The following CEP162 variants were observed in gnomAD, a reference collection of about 807,000 sequenced individuals.
CEP162 encodes the protein centrosomal protein 162, also known as centrosomal protein of 162 kDa.
Under a neutral mutation model 169.2 loss-of-function variants are expected in CEP162, and 141 were observed. The ratio of observed to expected loss-of-function variants is 0.83; its 90% CI spans 0.73 to 0.96. The LOEUF (loss-of-function observed/expected upper bound fraction) is 0.96, where lower values mean the gene tolerates loss of function less well. Ranked by LOEUF, CEP162 falls within the 40% of genes least tolerant of loss-of-function variation. The pLI, the probability that CEP162 is intolerant of heterozygous loss-of-function variation, is 0.00. For synonymous variants in CEP162, 540 were observed against 526.4 expected, an observed-to-expected ratio of 1.03 and a Z score of -0.35; for missense variants, 1,600 against 1,587.2, an observed-to-expected ratio of 1.01 and a Z score of -0.14.
rs940992245 is a variant in CEP162 at position 84,133,909 on chromosome 6, G to C, written c.3871-7397C>G. Among the ~76,000 whole-genome samples the C allele has an allele frequency of 2.0e-5, 3 of 152,280 alleles. No individual in the cohort carries two copies. The East Asian group carries it at 5.8e-4, about 30-fold the overall frequency. ...GTGAGATGAACCTGGTACCTCAGTT[G>C]GAAGTTCAGAAATCACCCATCTTAT... On this transcript the variant is annotated intron_variant, in intron 25 of 26. Transcript: ENST00000403245.
chr6:84,190,445 C>T lies in CEP162; in HGVS notation c.1109+3164G>A, dbSNP rs61677267. Among the ~76,000 whole-genome samples the T allele has an allele frequency of 8.7e-3, 1,319 of 152,212 alleles. 13 individuals are homozygous for T. The highest frequency in any genetic ancestry group is 0.03 in the African/African-American group (1,257 of 41,526). On this transcript the variant is annotated intron_variant, in intron 11 of 26. Transcript: ENST00000403245. ...CCACACTGTGGAAGCTTTGTTCTTT[C>T]GCTCTTTGCAATAAGTCTTGCTACT...
chr6:84,207,347 A>G (rs1345799594), intron 6 of CEP162, among the ~76,000 whole-genome samples: 10 of 152,194 alleles, frequency 6.6e-5, no homozygotes, highest in Non-Finnish European at 1.3e-4. Flanking sequence ...GACTGGATTA[A>G]GAAAATGTGG....
At chr6:84,147,572 G>T (rs912955246) in intron 24 of CEP162, among the ~76,000 whole-genome samples, 1 of 152,004 alleles carries the variant, frequency 6.6e-6, no homozygotes, top group Admixed American at 6.6e-5. Flanking sequence ...CACATTCTTT[G>T]CATGTAGCAA....
At chr6:84,138,639 T>C (rs972180250) in intron 25 of CEP162, among the ~76,000 whole-genome samples, 3 of 152,240 alleles carry the variant, frequency 2.0e-5, no homozygotes, top group African/African-American at 4.8e-5. Flanking sequence ...TTAAAAATCA[T>C]GTGCTGCGTC....
chr6:84,128,584 T>C (rs531372200), intron 25 of CEP162, among the ~76,000 whole-genome samples: 29 of 152,282 alleles, frequency 1.9e-4, no homozygotes, highest in African/African-American at 6.5e-4. Context: ...TTAGCATCAA[T>C]ATCTTCATCT....
chr6:84,212,832 A>G (rs1054528989), intron 6 of CEP162, 125 bp downstream of exon 6: 16 of 626,822 alleles, frequency 2.6e-5, no homozygotes, highest in Non-Finnish European at 4.3e-5. Context: ...AACACAGGCA[A>G]ACCCACTCTA....
chr6:84,194,821 T>A, intron 10 of CEP162, 63 bp downstream of exon 10: 1 of 1,183,348 alleles, frequency 8.5e-7, no homozygotes, highest in Non-Finnish European at 1.2e-6. Flanking sequence ...TTTAATTATA[T>A]TACACTAAAA....
intron 11 of CEP162, among the ~76,000 whole-genome samples, chr6:84,189,618 C>T (rs553286616): frequency 3.8e-4 from 58 of 152,326 alleles, no homozygotes; most frequent in Admixed American, 5.9e-4. Flanking sequence ...GGGCAGGGCT[C>T]GGGACCTGCA....
intron 13 of CEP162, among the ~76,000 whole-genome samples, chr6:84,181,538 T>A (rs1007894353): frequency 6.6e-6 from 1 of 152,118 alleles, no homozygotes; most frequent in African/African-American, 2.4e-5. Context: ...CAGTACTTTA[T>A]CCTTTTACAC....
rs141847784 is a variant in CEP162 at position 84,198,716 on chromosome 6, T to A, written c.835+2073A>T. Among the ~76,000 whole-genome samples, 410 of 152,300 alleles carry A rather than the reference T, an allele frequency of 2.7e-3. 2 individuals carry two copies. The highest frequency in any genetic ancestry group is 4.4e-3 in the Non-Finnish European group (299 of 68,014). On this transcript the variant is annotated intron_variant, in intron 9 of 26. Transcript: ENST00000403245. Reference sequence around the variant, plus strand: ...GGGTTGACATAAATAATGATGATAATAACAACAACAAAGTTGTAACTGTTT... The same window carrying A: ...GGGTTGACATAAATAATGATGATAAAAACAACAACAAAGTTGTAACTGTTT...
intron 13 of CEP162, among the ~76,000 whole-genome samples, chr6:84,182,931 C>T (rs1331651525): frequency 6.6e-6 from 1 of 152,124 alleles, no homozygotes; most frequent in African/African-American, 2.4e-5. Flanking sequence ...CTAATCTCAT[C>T]TCAAACTCTG....
intron 11 of CEP162, among the ~76,000 whole-genome samples, chr6:84,188,075 G>C (rs571573500): frequency 2.0e-4 from 29 of 146,364 alleles, no homozygotes; most frequent in Admixed American, 1.5e-3. Flanking sequence ...ATCATATTAA[G>C]AGTGTCATCC....
intron 5 of CEP162, among the ~76,000 whole-genome samples, chr6:84,215,045 A>C (rs765671737): frequency 1.3e-5 from 2 of 152,230 alleles, no homozygotes; most frequent in South Asian, 2.1e-4. Flanking sequence ...ATGTACTATT[A>C]GTCTCAATAG....
chr6:84,180,849 C>T (rs1374694615), intron 13 of CEP162, among the ~76,000 whole-genome samples: 4 of 152,034 alleles, frequency 2.6e-5, no homozygotes, highest in Admixed American at 6.6e-5. Context: ...TAAAAGAGGA[C>T]ACAAACAAAT....
In CEP162 at chr6:84,177,409, G is replaced by T. The variant is rs2099532852; in HGVS notation, c.1664-2062C>A. Among the ~76,000 whole-genome samples, 3 of 152,174 alleles carry T rather than the reference G, an allele frequency of 2.0e-5. No homozygotes were observed. The South Asian group carries it at 6.2e-4, about 32-fold the overall frequency. ...GAAACTGAGACAAAGAGAGATTAAG[G>T]AACTAATCCCAGCTCACGTGGCCTG... On this transcript the variant is annotated intron_variant, in intron 13 of 26. Transcript: ENST00000403245.
At chr6:84,173,905 G>C in intron 16 of CEP162, 143 bp downstream of exon 16, 1 of 560,068 alleles carries the variant, frequency 1.8e-6, no homozygotes, top group Non-Finnish European at 3.0e-6. Context: ...GGCTGGTCTC[G>C]AACTCCTGAC....
rs201265367 is a variant in CEP162, at chr6:84,168,043, AT to A, written c.2385+1284del. Among the ~76,000 whole-genome samples, 1,164 of 151,728 alleles carry A rather than the reference AT, an allele frequency of 7.7e-3. 18 individuals carry two copies. The highest frequency in any genetic ancestry group is 0.026 in the African/African-American group (1,094 of 41,376). On this transcript the variant is annotated intron_variant, in intron 18 of 26. Coordinates refer to ENST00000403245, the MANE Select transcript of CEP162 (RefSeq NM_014895.4). ...TATCCATTTACAAGATATTTATTAT[AT>A]TTTTTTTCCCAGTATCTTTTGGTGT... is the stretch of plus-strand genomic sequence containing the variant.
intron 25 of CEP162, among the ~76,000 whole-genome samples, chr6:84,140,536 G>A (rs1194546043): frequency 2.0e-5 from 3 of 150,026 alleles, no homozygotes; most frequent in Non-Finnish European, 2.9e-5. Context: ...TTTTTTGTTT[G>A]TTTTTCGTAG....
chr6:84,216,040 G>C (rs926701466), intron 3 of CEP162, 118 bp from the exon 4 acceptor site: 165 of 1,236,524 alleles, frequency 1.3e-4, no homozygotes, highest in Non-Finnish European at 1.5e-4. Flanking sequence ...AAATAAATCT[G>C]CTCTATTAAA....
Sources: allele counts gnomAD v4.1 joint callset (sites outside exome capture counted in the v4.1 genomes callset), GRCh38; gene constraint gnomAD v4.1.1; transcripts MANE v1.5; gene names NCBI Gene and HGNC (gene_info 2026-07-23, HGNC 2026-07-21).